SOX5: variants seen among roughly 807,000 people sequenced by gnomAD.
The protein encoded by SOX5 is SRY-box transcription factor 5, also known as transcription factor SOX-5.
SOX5 carries 9 observed loss-of-function variants against 92.0 expected under a neutral mutation model. The ratio of observed to expected loss-of-function variants is 0.10; its 90% CI spans 0.06 to 0.17. The LOEUF (loss-of-function observed/expected upper bound fraction) is 0.17. SOX5 is among the 10% of genes least tolerant of loss of function. The pLI, the probability that SOX5 is intolerant of heterozygous loss-of-function variation, is 1.00. For missense variants in SOX5, 642 were observed against 944.5 expected, an observed-to-expected ratio of 0.68 and a Z score of 4.20; for synonymous variants, 344 against 336.3, an observed-to-expected ratio of 1.02 and a Z score of -0.25.
chr12:23,957,030 T>C (rs1189378742), intron 4 of SOX5, among the ~76,000 whole-genome samples: 1 of 152,192 alleles, frequency 6.6e-6, no homozygotes, highest in Non-Finnish European at 1.5e-5. Flanking sequence ...ATTACAAACT[T>C]CTGTTTCTAT....
At chr12:24,009,656 G>A (rs1469240698) in intron 4 of SOX5, among the ~76,000 whole-genome samples, 1 of 152,124 alleles carries the variant, frequency 6.6e-6, no homozygotes, top group African/African-American at 2.4e-5. Flanking sequence ...CCTTTGGCTT[G>A]AAACATTCAT....
At chr12:23,936,052 T>C (rs1279598856) in intron 1 of SOX5, among the ~76,000 whole-genome samples, 1 of 151,060 alleles carries the variant, frequency 6.6e-6, no homozygotes, top group Non-Finnish European at 1.5e-5. Flanking sequence ...GAGGCTAGAG[T>C]GAAATAATGC....
At chr12:24,329,331 AG>A (rs1951043663) in intron 2 of SOX5, among the ~76,000 whole-genome samples, 1 of 152,204 alleles carries the variant, frequency 6.6e-6, no homozygotes, top group Non-Finnish European at 1.5e-5. Flanking sequence ...TGGAAGGGGA[AG>A]GTATGTCTTA....
intron 1 of SOX5, among the ~76,000 whole-genome samples, chr12:23,903,256 A>G (rs1374482567): frequency 6.6e-6 from 1 of 152,152 alleles, no homozygotes; most frequent in African/African-American, 2.4e-5. Flanking sequence ...TGCTTCCCAG[A>G]AAATACAATA....
At chr12:24,208,738 G>A (rs1958279769) in intron 4 of SOX5, among the ~76,000 whole-genome samples, 1 of 152,204 alleles carries the variant, frequency 6.6e-6, no homozygotes, top group Non-Finnish European at 1.5e-5. Flanking sequence ...TTTAAATAGT[G>A]TGTTAGGGAT....
intron 1 of SOX5, among the ~76,000 whole-genome samples, chr12:24,509,831 C>T (rs751957310): frequency 6.6e-6 from 1 of 152,148 alleles, no homozygotes; most frequent in East Asian, 1.9e-4. Context: ...TTGGTCTCAG[C>T]CACACAAAAT....
intron 4 of SOX5, among the ~76,000 whole-genome samples, chr12:24,211,569 AATG>A (rs1249621880): frequency 6.6e-6 from 1 of 152,230 alleles, no homozygotes; most frequent in Non-Finnish European, 1.5e-5. Flanking sequence ...TTCTTTATCA[AATG>A]ATAAGTTGGC....
intron 2 of SOX5, among the ~76,000 whole-genome samples, chr12:24,309,237 T>G (rs1948933036): frequency 6.6e-6 from 1 of 152,240 alleles, no homozygotes; most frequent in African/African-American, 2.4e-5. Context: ...AGCCTGATTA[T>G]CAATTTGCAC....
rs144487858 is a variant in SOX5 at position 23,934,803 on chromosome 12, G to A, written c.38+14761C>T. On this transcript the variant is annotated intron_variant, in intron 1 of 14. Transcript: ENST00000451604. ...AGCACTAAGATGACCTATAATATGG[G>A]AATAATTATAATCTCCAATTCACAG... Among the ~76,000 whole-genome samples the A allele has an allele frequency of 5.1e-3, 773 of 151,166 alleles. 11 individuals carry two copies. Among genetic ancestry groups the A allele is most frequent in the African/African-American group, 0.018 (733 of 41,358 alleles).
chr12:23,926,952 T>C (rs1008975674), intron 1 of SOX5, among the ~76,000 whole-genome samples: 13 of 152,098 alleles, frequency 8.5e-5, no homozygotes, highest in Non-Finnish European at 1.6e-4. Context: ...TTTTGTTGTA[T>C]GCCAGAAAGG....
chr12:24,407,523 A>T (rs1312523110), intron 1 of SOX5: 1 of 152,218 alleles, frequency 6.6e-6, no homozygotes, highest in African/African-American at 2.4e-5. Context: ...ACTTCTGAGG[A>T]TCCTCCTGAA....
At chr12:24,052,481 AAT>A (rs993621406) in intron 4 of SOX5, among the ~76,000 whole-genome samples, 7 of 152,282 alleles carry the variant, frequency 4.6e-5, no homozygotes, top group South Asian at 2.1e-4. Context: ...AATATTCTTA[AAT>A]ATGTTATTGA....
chr12:23,585,448 C>G (rs930061874), intron 9 of SOX5, among the ~76,000 whole-genome samples: 1 of 152,120 alleles, frequency 6.6e-6, no homozygotes, highest in Non-Finnish European at 1.5e-5. Flanking sequence ...CAAACTACAA[C>G]TTTTTTCATT....
At chr12:23,960,514 CAT>C (rs61480895) in intron 4 of SOX5, among the ~76,000 whole-genome samples, 1,445 of 106,848 alleles carry the variant, frequency 0.014, 18 homozygotes, top group African/African-American at 0.028. Context: ...TATTTATATA[CAT>C]ATATATATAT....
chr12:24,315,806 T>TAAA (rs1949644849), intron 2 of SOX5, among the ~76,000 whole-genome samples: 1 of 152,238 alleles, frequency 6.6e-6, no homozygotes, highest in South Asian at 2.1e-4. Flanking sequence ...TTCTAGCACG[T>TAAA]GGTCCTCTTT....
At chr12:24,388,860 A>C (rs1958684685) in intron 1 of SOX5, among the ~76,000 whole-genome samples, 2 of 152,194 alleles carry the variant, frequency 1.3e-5, no homozygotes, top group Non-Finnish European at 1.5e-5. Flanking sequence ...AGATGGAATC[A>C]TACAACACGT....
chr12:23,845,163 T>C (rs1045204347), intron 3 of SOX5, among the ~76,000 whole-genome samples: 2 of 152,238 alleles, frequency 1.3e-5, no homozygotes, highest in African/African-American at 4.8e-5. Context: ...TGTATTTTTG[T>C]TATAAAGTAT....
intron 1 of SOX5, among the ~76,000 whole-genome samples, chr12:24,536,893 T>C (rs912993775): frequency 1.3e-5 from 2 of 152,232 alleles, no homozygotes; most frequent in African/African-American, 4.8e-5. Flanking sequence ...AGAATATGCA[T>C]GTCATCTTCT....
At chr12:24,286,174 C>T (rs12301633) in intron 2 of SOX5, among the ~76,000 whole-genome samples, 11,434 of 152,010 alleles carry the variant, frequency 0.075, 1,254 homozygotes, top group African/African-American at 0.24. Flanking sequence ...AAAAATGAGA[C>T]GTGACAGTAA....
Sources: allele counts gnomAD v4.1 joint callset (sites outside exome capture counted in the v4.1 genomes callset), GRCh38; gene constraint gnomAD v4.1.1; transcripts MANE v1.5; gene names NCBI Gene and HGNC (gene_info 2026-07-23, HGNC 2026-07-21).